Variants in PIAS4 observed in about 807,000 individuals in gnomAD.
PIAS4 encodes the protein protein inhibitor of activated STAT 4, also known as E3 SUMO-protein ligase PIAS4.
PIAS4 carries 7 observed loss-of-function variants against 58.0 expected under a neutral mutation model. The observed-to-expected ratio is 0.12, with a 90% CI of 0.07 to 0.23. PIAS4 has a LOEUF of 0.23. PIAS4 is among the 10% of genes least tolerant of loss of function. PIAS4 has a pLI of 1.00. For synonymous variants in PIAS4, 364 were observed against 312.4 expected (o/e 1.17, Z -1.74); for missense variants, 550 against 709.5 (o/e 0.78, Z 2.55).
intron 2 of PIAS4, among the ~76,000 whole-genome samples, chr19:4,022,572 T>C (rs1406830408): frequency 1.3e-5 from 2 of 151,916 alleles, no homozygotes; most frequent in African/African-American, 4.8e-5. Context: ...TTCACCGTGT[T>C]AGCCAGGATG....
chr19:4,037,285 C>G lies in PIAS4; in HGVS notation c.1143-89C>G. 1 of 1,483,112 alleles carries G rather than the reference C, an allele frequency of 6.7e-7. No individual in the cohort carries two copies. Among genetic ancestry groups the G allele is most frequent in the Non-Finnish European group, 9.0e-7 (1 of 1,106,194 alleles). The allele number at this position is 1,483,112 out of a possible 1,614,324, so 91.9% of individuals were successfully genotyped here. On this transcript the variant is annotated intron_variant, in intron 9 of 10. Coordinates refer to ENST00000262971, the MANE Select transcript of PIAS4 (RefSeq NM_015897.4). This position sits in a 1 kb window ranked among gnomAD's most constrained non-coding sequence, Gnocchi z 5.8. The stretch of plus-strand genomic sequence containing the variant: ...CTCTTGCAGAGAGAAGTGGGGAGTG[C>G]CTGGCTGCATCCGGGAGGGATGGAG...
At chr19:4,036,052 A>G (rs1453930008) in intron 9 of PIAS4, among the ~76,000 whole-genome samples, 12 of 147,328 alleles carry the variant, frequency 8.1e-5, no homozygotes, top group East Asian at 2.1e-4. Context: ...ACACACACAC[A>G]TCTATACAGT....
At chr19:4,011,002 G>A (rs368914845) in intron 1 of PIAS4, among the ~76,000 whole-genome samples, 2 of 152,204 alleles carry the variant, frequency 1.3e-5, no homozygotes, top group South Asian at 2.1e-4. Flanking sequence ...ATGAGGACCC[G>A]ACAGTGGGCC....
chr19:4,008,835 T>C (rs1025699752), intron 1 of PIAS4, among the ~76,000 whole-genome samples: 3 of 151,836 alleles, frequency 2.0e-5, no homozygotes, highest in South Asian at 2.1e-4. Flanking sequence ...GTTTCTAAGG[T>C]CCCCTCTCTT....
chr19:4,036,394 ATACAGTCCACACTGTCACACATCCG>A (rs1247692683), intron 9 of PIAS4, among the ~76,000 whole-genome samples: 1 of 134,998 alleles, frequency 7.4e-6, no homozygotes, highest in Non-Finnish European at 1.7e-5. Context: ...ACACACGTCT[ATACAGTCCACACTGTCACACATCCG>A]TACAGTCCAC....
At chr19:4,025,598 G>GT (rs1309296912) in intron 3 of PIAS4, among the ~76,000 whole-genome samples, 1 of 152,204 alleles carries the variant, frequency 6.6e-6, no homozygotes, top group Non-Finnish European at 1.5e-5. Context: ...CTCACACCTA[G>GT]TAAGGGTTCA....
At chr19:4,030,227 T>C (rs2040210662) in intron 7 of PIAS4, among the ~76,000 whole-genome samples, 1 of 143,806 alleles carries the variant, frequency 7.0e-6, no homozygotes, top group Non-Finnish European at 1.6e-5. Context: ...TCTCCCAAAG[T>C]GCTGGGATTA....
chr19:4,013,702 G>T lies in PIAS4; in HGVS notation c.454+353G>T, dbSNP rs2040023682. On this transcript the variant is annotated intron_variant, in intron 2 of 10. Coordinates refer to ENST00000262971, the MANE Select transcript of PIAS4 (RefSeq NM_015897.4). This position sits in a 1 kb window ranked among gnomAD's most constrained non-coding sequence, Gnocchi z 5.1. Reference sequence around the variant, plus strand: ...GGAGGCTCGACCAGGGCTGGAGCAGGCACATCCTTGTGTGGTGGCTGGCAG... The same window carrying T: ...GGAGGCTCGACCAGGGCTGGAGCAGTCACATCCTTGTGTGGTGGCTGGCAG... Among the ~76,000 whole-genome samples the T allele has an allele frequency of 6.6e-6, 1 of 152,094 alleles. No homozygotes were observed. The highest frequency in any genetic ancestry group is 2.4e-5 in the African/African-American group (1 of 41,402).
At chr19:4,025,281 G>T (rs117473487) in intron 3 of PIAS4, among the ~76,000 whole-genome samples, 2 of 152,038 alleles carry the variant, frequency 1.3e-5, no homozygotes, top group Non-Finnish European at 2.9e-5. Flanking sequence ...GGGCAGGGTC[G>T]TCCTCAGATG....
chr19:4,037,533 G>T lies in PIAS4; in HGVS notation c.1273+29G>T, dbSNP rs2040312496. The T allele has an allele frequency of 6.2e-7, 1 of 1,608,078 alleles. No homozygotes were observed. The highest frequency in any genetic ancestry group is 8.5e-7 in the Non-Finnish European group (1 of 1,179,586). On this transcript the variant is annotated intron_variant, in intron 10 of 10. Coordinates refer to ENST00000262971, the MANE Select transcript of PIAS4 (RefSeq NM_015897.4). This position sits in a 1 kb window ranked among gnomAD's most constrained non-coding sequence, Gnocchi z 5.8. ...AGTGCCTCACCCCACCAGCCGCGCA[G>T]TCCGCAGCCAGGGCCGCCTCAGTTT...
chr19:4,031,692 C>T (rs1257513266), intron 7 of PIAS4, among the ~76,000 whole-genome samples: 1 of 152,134 alleles, frequency 6.6e-6, no homozygotes, highest in East Asian at 1.9e-4. Context: ...CAGGCTTCCT[C>T]TCCGAAGGGG....
At chr19:4,021,017 A>G (rs1222354469) in intron 2 of PIAS4, among the ~76,000 whole-genome samples, 1 of 152,238 alleles carries the variant, frequency 6.6e-6, no homozygotes, top group African/African-American at 2.4e-5. Context: ...GTAGTTTCCC[A>G]GAGTGATGGT....
At chr19:4,008,387 G>C (rs74465590) in intron 1 of PIAS4, among the ~76,000 whole-genome samples, 4,663 of 152,032 alleles carry the variant, frequency 0.031, 233 homozygotes, top group African/African-American at 0.11. Context: ...GACACGGCAC[G>C]TCCTCTTGGG....
Position 4,013,446 on chromosome 19 carries a change from T to C in PIAS4, c.454+97T>C. On this transcript the variant is annotated intron_variant, in intron 2 of 10. Coordinates refer to ENST00000262971, the MANE Select transcript of PIAS4 (RefSeq NM_015897.4). The surrounding 1 kb of genome is among the most constrained non-coding windows in gnomAD (Gnocchi z 5.1). ...ACACAGCCGACTTCGAGTGATGTTC[T>C]CTGTGGCGCAGCCAGGGCGGGGAGC... 1.8e-6 allele frequency: 2 copies of C among 1,134,178 alleles called. No homozygotes were observed. Among genetic ancestry groups the C allele is most frequent in the Non-Finnish European group, 2.5e-6 (2 of 793,108 alleles). 70.3% of individuals were successfully genotyped at this position (1,134,178 alleles called of 1,614,324 possible).
Position 4,037,240 on chromosome 19 carries a change from C to T in PIAS4, c.1143-134C>T, listed in dbSNP as rs1463340629. The T allele has an allele frequency of 7.0e-6, 8 of 1,140,058 alleles. No individual in the cohort carries two copies. Among genetic ancestry groups the T allele is most frequent in the Middle Eastern group, 3.0e-4 (1 of 3,382 alleles). The allele number at this position is 1,140,058 out of a possible 1,614,324, so 70.6% of individuals were successfully genotyped here. On this transcript the variant is annotated intron_variant, in intron 9 of 10. Coordinates refer to ENST00000262971, the MANE Select transcript of PIAS4 (RefSeq NM_015897.4). The surrounding 1 kb of genome is among the most constrained non-coding windows in gnomAD (Gnocchi z 5.8). ...GGAATGCGGGGTCCCTGGACCCCTGCGGTCGGGGTGGTGAGGCTGCTCTTG... is the reference window on the plus strand; with the variant it reads ...GGAATGCGGGGTCCCTGGACCCCTGTGGTCGGGGTGGTGAGGCTGCTCTTG...
chr19:4,029,644 A>T (rs1472066395), intron 7 of PIAS4, among the ~76,000 whole-genome samples: 1 of 149,196 alleles, frequency 6.7e-6, no homozygotes, highest in Non-Finnish European at 1.5e-5. Context: ...TGGGCTGCAG[A>T]GCGAGACTCC....
Position 4,028,863 on chromosome 19 carries a change from G to C in PIAS4, c.801+15G>C. The C allele has an allele frequency of 1.9e-6, 3 of 1,613,126 alleles. No individual in the cohort carries two copies. Among genetic ancestry groups the C allele is most frequent in the Non-Finnish European group, 2.5e-6 (3 of 1,179,882 alleles). On this transcript the variant is annotated intron_variant, in intron 6 of 10. Coordinates refer to ENST00000262971, the MANE Select transcript of PIAS4 (RefSeq NM_015897.4). ...ACTACGGCAAGGTGAGTGCGTGCCC[G>C]GGTGCCCACCCTGCCCCCCAACCCC... is the stretch of plus-strand genomic sequence containing the variant.
rs139905101 is a variant in PIAS4 at position 4,033,610 on chromosome 19, G to A, written c.1142+30G>A. ...GCCCGGGGCCCCGGGGAGGGCGGCC[G>A]GAGCCGGACATCCGTGGAGGTCTCG... is the stretch of plus-strand genomic sequence containing the variant. On this transcript the variant is annotated intron_variant, in intron 9 of 10. Transcript: ENST00000262971. 8,744 of 1,563,662 alleles carry A rather than the reference G, an allele frequency of 5.6e-3. 42 individuals carry two copies. Among genetic ancestry groups the A allele is most frequent in the Non-Finnish European group, 6.4e-3 (7,414 of 1,155,260 alleles).
At chr19:4,033,969 C>T (rs2040250533) in intron 9 of PIAS4, among the ~76,000 whole-genome samples, 1 of 152,026 alleles carries the variant, frequency 6.6e-6, no homozygotes, top group Non-Finnish European at 1.5e-5. Context: ...CACAGAAAGG[C>T]AAAGGAGGTG....
Sources: gnomAD v4.1 joint callset for allele counts (sites outside exome capture counted in the v4.1 genomes callset) on GRCh38, gnomAD v4.1.1 for gene constraint, Gnocchi (gnomAD v3.1) non-coding constraint, MANE v1.5 for transcripts, NCBI Gene and HGNC (gene_info 2026-07-23, HGNC 2026-07-21) for gene names.